MAX: variants seen among roughly 807,000 people sequenced by gnomAD.
MAX encodes protein max.
MAX carries 3 observed loss-of-function variants against 22.3 expected under a neutral mutation model. That is an observed-to-expected ratio of 0.13 (90% confidence interval 0.06 to 0.35). MAX has a LOEUF of 0.35. Ranked by LOEUF, MAX falls within the 10% of genes least tolerant of loss-of-function variation. The pLI, the probability that MAX is intolerant of heterozygous loss-of-function variation, is 1.00. For synonymous variants in MAX, 72 were observed against 77.7 expected, an observed-to-expected ratio of 0.93 and a Z score of 0.39; for missense variants, 119 against 209.4, an observed-to-expected ratio of 0.57 and a Z score of 2.66.
intron 2 of MAX, among the ~76,000 whole-genome samples, chr14:65,099,541 AACAAAC>A (rs2063768509): frequency 6.6e-6 from 1 of 151,228 alleles, no homozygotes; most frequent in African/African-American, 2.4e-5. Context: ...CAAAAAAACA[AACAAAC>A]AAACAAACAA....
At chr14:65,094,374 A>C (rs571502690) in intron 2 of MAX, among the ~76,000 whole-genome samples, 1 of 152,384 alleles carries the variant, frequency 6.6e-6, no homozygotes, top group African/African-American at 2.4e-5. Flanking sequence ...AAACCTCTAT[A>C]AAACCTAGAT....
At chr14:65,101,488 C>T in intron 2 of MAX, 58 bp downstream of exon 2, 2 of 1,448,418 alleles carry the variant, frequency 1.4e-6, no homozygotes, top group South Asian at 1.2e-5. Context: ...TCTCTCTGAC[C>T]CCAAAAAGGA....
Position 65,031,107 on chromosome 14 carries a change from C to CTAAT in MAX, c.172-24824_172-24823insATTA. 6.6e-6 allele frequency among the ~76,000 whole-genome samples: 1 copy of CTAAT among 151,796 alleles called. No homozygotes were observed. The highest frequency in any genetic ancestry group is 2.4e-5 in the African/African-American group (1 of 41,274). On this transcript the variant is annotated intron_variant, in intron 3 of 3. Transcript: ENST00000341653. The surrounding 1 kb of genome is among the most constrained non-coding windows in gnomAD (Gnocchi z 4.6). ...ACAGGCATGAGCTACCATGCCTGGCCAGGAGAAGGATTTTTGAGCAGAATT... is the reference window on the plus strand; with the variant it reads ...ACAGGCATGAGCTACCATGCCTGGCCTAATAGGAGAAGGATTTTTGAGCAGAATT...
rs2063048953 is a variant in MAX at position 65,076,083 on chromosome 14, C to A, written c.*393G>T. On this transcript the variant is annotated 3_prime_UTR_variant, in exon 5 of 5. Coordinates refer to ENST00000358664, the MANE Select transcript of MAX (RefSeq NM_002382.5). This position sits in a 1 kb window ranked among gnomAD's most constrained non-coding sequence, Gnocchi z 6.6. ...TCAGAGGTGAGGGCGGGCCAGGAGG[C>A]CACCTGGGCAGGGCAGGCGTCCCCC... 4.0e-6 allele frequency: 5 copies of A among 1,240,094 alleles called. No individual in the cohort carries two copies. The highest frequency in any genetic ancestry group is 4.0e-6 in the Non-Finnish European group (4 of 987,752). The allele number at this position is 1,240,094 out of a possible 1,614,324, so 76.8% of individuals were successfully genotyped here.
chr14:65,049,640 C>T (rs1030506109), intron 3 of MAX, among the ~76,000 whole-genome samples: 7 of 151,950 alleles, frequency 4.6e-5, no homozygotes, highest in African/African-American at 1.5e-4. Context: ...ATAAACATAG[C>T]GTTTTCTTTT....
At position 65,075,182 on chromosome 14, in the gene MAX, T is replaced by C; in HGVS notation, c.*1294A>G. 3 of 1,038,260 alleles carry C rather than the reference T, an allele frequency of 2.9e-6. No homozygotes were observed. The highest frequency in any genetic ancestry group is 2.3e-6 in the Non-Finnish European group (2 of 862,280). The allele number at this position is 1,038,260 out of a possible 1,614,324, so 64.3% of individuals were successfully genotyped here. ...TATAGTAAAGGGGGAAGCCTTAACT[T>C]GCAAGACAATTCTTCGGCAGTATGT... On this transcript the variant is annotated 3_prime_UTR_variant, in exon 5 of 5. Transcript: ENST00000358664. The surrounding 1 kb of genome is among the most constrained non-coding windows in gnomAD (Gnocchi z 4.1).
At chr14:65,091,279 C>T (rs191054056) in intron 3 of MAX, among the ~76,000 whole-genome samples, 23 of 152,302 alleles carry the variant, frequency 1.5e-4, no homozygotes, top group African/African-American at 3.9e-4. Flanking sequence ...GTTCGACTCA[C>T]GGCACCTATG....
At position 65,062,070 on chromosome 14, in the gene MAX, G is replaced by T. The variant is rs2062874789; in HGVS notation, c.171+31638C>A. ...CTGTGCCAGAGGAAACAGCCCTCCA[G>T]TGCCCACCTGCCTCACTCCTCCCTA... On this transcript the variant is annotated intron_variant, in intron 3 of 3. Coordinates refer to the MAX transcript ENST00000341653. The surrounding 1 kb of genome is among the most constrained non-coding windows in gnomAD (Gnocchi z 4.3). The T allele has an allele frequency of 6.6e-6, 1 of 152,494 alleles. No individual in the cohort carries two copies. The highest frequency in any genetic ancestry group is 2.1e-4 in the South Asian group (1 of 4,824). The allele number at this position is 152,494 out of a possible 1,614,324, so 9.4% of individuals were successfully genotyped here. A position where few individuals can be genotyped will look rare whatever the true frequency, so the allele number is the denominator to read the frequency against.
At position 65,027,785 on chromosome 14, in the gene MAX, A is replaced by C; in HGVS notation, c.172-21501T>G. 2.5e-6 allele frequency: 4 copies of C among 1,614,026 alleles called. No individual in the cohort carries two copies. The highest frequency in any genetic ancestry group is 3.4e-6 in the Non-Finnish European group (4 of 1,180,010). On this transcript the variant is annotated intron_variant, in intron 3 of 3. Transcript: ENST00000341653. The surrounding 1 kb of genome is among the most constrained non-coding windows in gnomAD (Gnocchi z 5.7). ...TCGGAGGTGAGGTGGATGTGAGGTG[A>C]GTGGGGTTTTGCACAGGCTGCCACA... is the stretch of plus-strand genomic sequence containing the variant.
In MAX at chr14:65,029,245, G is replaced by A. The variant is rs2062037111; in HGVS notation, c.172-22961C>T. Among the ~76,000 whole-genome samples, 1 of 152,140 alleles carries A rather than the reference G, an allele frequency of 6.6e-6. No individual in the cohort carries two copies. The highest frequency in any genetic ancestry group is 6.5e-5 in the Admixed American group (1 of 15,276). Reference sequence around the variant, plus strand: ...TGCATCCATTTTCCTTGCTTTGCCTGGTTTCTAGTACCCCGATTCCATCAT... The same window carrying A: ...TGCATCCATTTTCCTTGCTTTGCCTAGTTTCTAGTACCCCGATTCCATCAT... On this transcript the variant is annotated intron_variant, in intron 3 of 3. Coordinates refer to the MAX transcript ENST00000341653. This position sits in a 1 kb window ranked among gnomAD's most constrained non-coding sequence, Gnocchi z 4.7.
chr14:65,054,184 C>T lies in MAX; in HGVS notation c.171+39524G>A, dbSNP rs1220159813. Among the ~76,000 whole-genome samples the T allele has an allele frequency of 1.3e-5, 2 of 152,100 alleles. No homozygotes were observed. Among genetic ancestry groups the T allele is most frequent in the African/African-American group, 4.8e-5 (2 of 41,414 alleles). On this transcript the variant is annotated intron_variant, in intron 3 of 3. Transcript: ENST00000341653. The surrounding 1 kb of genome is among the most constrained non-coding windows in gnomAD (Gnocchi z 4.4). ...CTGGAGTGCAGTGTCACAATCATGA[C>T]TCACTGCAGCCTTCACCTCTTGGGC...
intron 3 of MAX, among the ~76,000 whole-genome samples, chr14:65,019,945 A>G (rs2061854853): frequency 6.6e-6 from 1 of 152,240 alleles, no homozygotes; most frequent in Admixed American, 6.5e-5. Context: ...GGGAAATGAA[A>G]TGCTTTGAAA....
chr14:65,051,358 C>G (rs940374859), intron 3 of MAX, among the ~76,000 whole-genome samples: 1 of 152,096 alleles, frequency 6.6e-6, no homozygotes. Flanking sequence ...GCCTGTAATC[C>G]CAGTACTTTG....
At chr14:65,039,352 C>T (rs55941898) in intron 3 of MAX, among the ~76,000 whole-genome samples, 15,055 of 152,268 alleles carry the variant, frequency 0.099, 996 homozygotes, top group Admixed American at 0.17. Context: ...ACATTTGGTA[C>T]AGTGCTCCCT....
intron 3 of MAX, among the ~76,000 whole-genome samples, chr14:65,042,488 T>C (rs1225330890): frequency 6.6e-6 from 1 of 152,156 alleles, no homozygotes; most frequent in Non-Finnish European, 1.5e-5. Flanking sequence ...ATGCTGCTGC[T>C]GATCTGTCAG....
intron 3 of MAX, among the ~76,000 whole-genome samples, chr14:65,033,415 A>G (rs541751571): frequency 6.6e-5 from 10 of 152,374 alleles, no homozygotes; most frequent in African/African-American, 2.2e-4. Flanking sequence ...AGGAAATGAG[A>G]TAAGTCTGCA....
chr14:65,038,437 C>G (rs1213363006), intron 3 of MAX, among the ~76,000 whole-genome samples: 2 of 150,008 alleles, frequency 1.3e-5, no homozygotes, highest in Non-Finnish European at 3.0e-5. Flanking sequence ...AAAAATAATA[C>G]TGCCGGGTGC....
At chr14:65,066,890 T>G (rs924550128) in intron 3 of MAX, among the ~76,000 whole-genome samples, 8 of 147,618 alleles carry the variant, frequency 5.4e-5, no homozygotes, top group African/African-American at 2.0e-4. Flanking sequence ...CAATGTATTT[T>G]TTAGTTCGGG....
Position 65,030,368 on chromosome 14 carries a change from A to G in MAX, c.172-24084T>C, listed in dbSNP as rs1555335004. On this transcript the variant is annotated intron_variant, in intron 3 of 3. Transcript: ENST00000341653. The surrounding 1 kb of genome is among the most constrained non-coding windows in gnomAD (Gnocchi z 4.5). Reference sequence around the variant, plus strand: ...TGCTAAAAATGCTGGTAGGATCATAATGCATGCAGCTTCTGCAGAGACTTC... The same window carrying G: ...TGCTAAAAATGCTGGTAGGATCATAGTGCATGCAGCTTCTGCAGAGACTTC... Among the ~76,000 whole-genome samples, 1 of 152,226 alleles carries G rather than the reference A, an allele frequency of 6.6e-6. No homozygotes were observed.
Sources: gnomAD v4.1 joint callset for allele counts (sites outside exome capture counted in the v4.1 genomes callset) on GRCh38, gnomAD v4.1.1 for gene constraint, Gnocchi (gnomAD v3.1) non-coding constraint, MANE v1.5 for transcripts, NCBI Gene and HGNC (gene_info 2026-07-23, HGNC 2026-07-21) for gene names.